Variants in TACR2 observed in about 807,000 individuals in gnomAD.
TACR2 encodes the protein tachykinin receptor 2.
A neutral mutation model predicts 28.9 loss-of-function variants in TACR2; 24 were observed. The observed-to-expected ratio is 0.83, with a 90% CI of 0.60 to 1.17. The LOEUF is 1.17. Among genes scored for constraint, TACR2 ranks in the 50% most tolerant of loss-of-function variants. The pLI, the probability that TACR2 is intolerant of heterozygous loss-of-function variation, is 0.00. For missense variants in TACR2, 487 were observed against 524.4 expected (o/e 0.93, Z 0.70); for synonymous variants, 222 against 212.6 (o/e 1.04, Z -0.38).
Position 69,406,258 on chromosome 10 carries a change from C to T in TACR2, c.938+826G>A, listed in dbSNP as rs146113831. On this transcript the variant is annotated intron_variant, in intron 4 of 4. Transcript: ENST00000373306. ...AGGTGAGACTGTGTCCACCTCTTGC[C>T]GCCCCTTATTTGCCCCACCTTCAGG... Among the ~76,000 whole-genome samples, 385 of 152,276 alleles carry T rather than the reference C, an allele frequency of 2.5e-3. 1 individual carries two copies. The highest frequency in any genetic ancestry group is 0.017 in the Middle Eastern group (5 of 294).
At chr10:69,408,252 C>T (rs75013302) in intron 3 of TACR2, among the ~76,000 whole-genome samples, 5,071 of 152,252 alleles carry the variant, frequency 0.033, 236 homozygotes, top group African/African-American at 0.1. Context: ...CCACGACCTC[C>T]GGGGTCCGCA....
chr10:69,409,476 A>AT lies in TACR2; in HGVS notation c.588-402dup, dbSNP rs544099488. Among the ~76,000 whole-genome samples the AT allele has an allele frequency of 7.1e-4, 108 of 152,214 alleles. No individual in the cohort carries two copies. In the Middle Eastern group the frequency reaches 0.01, roughly 14 times the overall value. ...AACATTAACTATTAATATCTGGCAT[A>AT]TTTTTTCCAGAATCATATGTATGAA... On this transcript the variant is annotated intron_variant, in intron 2 of 4. Transcript: ENST00000373306.
intron 1 of TACR2, 143 bp from the exon 2 acceptor site, chr10:69,415,282 C>T: frequency 1.0e-6 from 1 of 957,304 alleles, no homozygotes; most frequent in Non-Finnish European, 1.5e-6. Flanking sequence ...ATAGTATCAG[C>T]CGACCTGCAG....
In TACR2 at chr10:69,416,080, T is replaced by C. The variant is rs201715417; in HGVS notation, c.244A>G (p.Met82Val). 10 of 1,614,202 alleles carry C rather than the reference T, an allele frequency of 6.2e-6. No homozygotes were observed. The highest frequency in any genetic ancestry group is 1.3e-5 in the African/African-American group (1 of 75,056). Residue 82 changes from methionine (M) to valine (V), a missense_variant, in exon 1 of 5, where the codon ATG becomes GTG. Met to Val is a conservative substitution (Grantham distance 21). Transcript: ENST00000373306. ...IVNLALADLC[M>V]AAFNAAFNFV... ...TTGAAGGCGGCATTGAAGGCAGCCA[T>C]GCAGAGGTCAGCCAGCGCCAGATTG... is the stretch of plus-strand genomic sequence containing the variant.
intron 2 of TACR2, among the ~76,000 whole-genome samples, chr10:69,414,136 C>T (rs1589604382): frequency 1.3e-5 from 2 of 152,094 alleles, no homozygotes; most frequent in Non-Finnish European, 1.5e-5. Flanking sequence ...AAACTGAGGC[C>T]GGAATGGAGA....
intron 2 of TACR2, among the ~76,000 whole-genome samples, chr10:69,411,548 C>T (rs1840569673): frequency 6.6e-6 from 1 of 152,152 alleles, no homozygotes. Flanking sequence ...GAACCTCCCC[C>T]AAATTCCTTG....
At chr10:69,407,692 G>C (rs879846850) in intron 3 of TACR2, among the ~76,000 whole-genome samples, 10 of 152,110 alleles carry the variant, frequency 6.6e-5, no homozygotes, top group Admixed American at 1.3e-4. Flanking sequence ...TCTGGGATCC[G>C]TATCGGCACA....
intron 2 of TACR2, among the ~76,000 whole-genome samples, chr10:69,410,534 AAAAAC>A (rs1372614480): frequency 1.3e-5 from 2 of 151,244 alleles, no homozygotes; most frequent in Non-Finnish European, 1.5e-5. Flanking sequence ...AAAAAAACAA[AAAAAC>A]GACAGTGTCC....
rs1226955328 is a variant in TACR2, at chr10:69,407,181, A to C, written c.841T>G (p.Cys281Gly). ...ILGSFQEDIY[C>G]HKFIQQVYLA... Reference sequence around the variant, plus strand: ...TAGACTTGCTGGATGAACTTGTGGCAGTAGATGTCCTCCTGGAAGCTGCCC... The same window carrying C: ...TAGACTTGCTGGATGAACTTGTGGCCGTAGATGTCCTCCTGGAAGCTGCCC... The change falls in exon 4 of 5, where the codon TGC (cysteine) becomes GGC (glycine). Residue 281 changes from cysteine to glycine, a missense_variant. Coordinates refer to ENST00000373306, the MANE Select transcript of TACR2 (RefSeq NM_001057.3). 2.5e-6 allele frequency: 4 copies of C among 1,613,910 alleles called. No homozygotes were observed. The highest frequency in any genetic ancestry group is 3.4e-6 in the Non-Finnish European group (4 of 1,179,970).
In TACR2 at chr10:69,404,760, G is replaced by A; in HGVS notation, c.*66C>T. On this transcript the variant is annotated 3_prime_UTR_variant, in exon 5 of 5. Transcript: ENST00000373306. ...CTGGAAGGCATTAATCTATTCATAAGGGATCCATCCCCAATACCCAAACAC... is the reference window on the plus strand; with the variant it reads ...CTGGAAGGCATTAATCTATTCATAAAGGATCCATCCCCAATACCCAAACAC... The A allele has an allele frequency of 1.8e-5, 14 of 787,738 alleles. No homozygotes were observed. In the South Asian group the frequency reaches 2.5e-4, roughly 14 times the overall value. 48.8% of individuals were successfully genotyped at this position (787,738 alleles called of 1,614,324 possible).
At chr10:69,405,969 A>G (rs553627698) in intron 4 of TACR2, among the ~76,000 whole-genome samples, 2 of 152,264 alleles carry the variant, frequency 1.3e-5, no homozygotes, top group South Asian at 4.1e-4. Flanking sequence ...TACTTTCTGA[A>G]GCTCAGTTTC....
At chr10:69,411,030 G>A (rs1212698317) in intron 2 of TACR2, among the ~76,000 whole-genome samples, 2 of 152,144 alleles carry the variant, frequency 1.3e-5, no homozygotes, top group African/African-American at 2.4e-5. Context: ...TTGGGTCTGG[G>A]CTCCTTTGGC....
At chr10:69,412,031 C>T (rs1424184464) in intron 2 of TACR2, among the ~76,000 whole-genome samples, 5 of 152,128 alleles carry the variant, frequency 3.3e-5, no homozygotes, top group African/African-American at 1.2e-4. Flanking sequence ...AGGGTTTTAC[C>T]ATGTTGGCCA....
intron 1 of TACR2, among the ~76,000 whole-genome samples, chr10:69,415,520 C>T (rs12250670): frequency 0.024 from 3,685 of 152,260 alleles, 118 homozygotes; most frequent in African/African-American, 0.07. Flanking sequence ...TAGATTGTAA[C>T]TGCAAGCAAA....
chr10:69,407,475 A>G (rs999208447), intron 3 of TACR2, among the ~76,000 whole-genome samples, 195 bp from the exon 4 acceptor site: 1 of 152,164 alleles, frequency 6.6e-6, no homozygotes, highest in Non-Finnish European at 1.5e-5. Context: ...GCCTGTGCTC[A>G]GGCAGGTCCC....
intron 1 of TACR2, 49 bp from the exon 2 acceptor site, chr10:69,415,188 G>A (rs779126512): frequency 1.3e-6 from 2 of 1,565,642 alleles, no homozygotes; most frequent in Non-Finnish European, 1.7e-6. Context: ...TGTTAGCCCA[G>A]CTCCCTTTCC....
chr10:69,414,880 T>C lies in TACR2; in HGVS notation c.587+65A>G. 3 of 1,499,914 alleles carry C rather than the reference T, an allele frequency of 2.0e-6. No homozygotes were observed. The South Asian group carries it at 3.8e-5, about 19-fold the overall frequency. The allele number at this position is 1,499,914 out of a possible 1,614,324, so 92.9% of individuals were successfully genotyped here. On this transcript the variant is annotated intron_variant, in intron 2 of 4. Coordinates refer to ENST00000373306, the MANE Select transcript of TACR2 (RefSeq NM_001057.3). ...GGACATGGATGCATGCACGCGTGTG[T>C]ACACACACACACACAGACTCACACA... is the stretch of plus-strand genomic sequence containing the variant.
rs1358660242 is a variant in TACR2, at chr10:69,407,811, C to T, written c.742-531G>A. Among the ~76,000 whole-genome samples, 10 of 152,334 alleles carry T rather than the reference C, an allele frequency of 6.6e-5. No homozygotes were observed. In the East Asian group the frequency reaches 1.5e-3, roughly 23 times the overall value. ...AGAGCCTGGCCCCTGCAGGCACACT[C>T]CTGCTCCGTTTGGCAGCCCAGCATG... On this transcript the variant is annotated intron_variant, in intron 3 of 4. Transcript: ENST00000373306.
rs200890508 is a variant in TACR2 at position 69,405,064 on chromosome 10, A to G, written c.959T>C (p.Leu320Pro). ...GACCCATGGGCAGCAGCGGAAGGCA[A>G]GCCGGAATCCAGAGCGAAACCTGGG... The part of the protein sequence containing the change: ...LNHRFRSGFR[L>P]AFRCCPWVTP... The change falls in exon 5 of 5, where the codon CTT (leucine) becomes CCT (proline). Residue 320 changes from leucine (L) to proline (P), a missense_variant. Physicochemically the swap from Leu to Pro is moderately conservative, Grantham distance 98. Transcript: ENST00000373306. 6.2e-7 allele frequency: 1 copy of G among 1,613,822 alleles called. No individual in the cohort carries two copies. The highest frequency in any genetic ancestry group is 8.5e-7 in the Non-Finnish European group (1 of 1,179,820).
Sources: gnomAD v4.1 joint callset for allele counts (sites outside exome capture counted in the v4.1 genomes callset) on GRCh38, gnomAD v4.1.1 for gene constraint, MANE v1.5 for transcripts, NCBI Gene and HGNC (gene_info 2026-07-23, HGNC 2026-07-21) for gene names.